ZNF93: variants seen among roughly 807,000 people sequenced by gnomAD.
The protein encoded by ZNF93 is zinc finger protein 505.
Under a neutral mutation model 45.0 loss-of-function variants are expected in ZNF93, and 29 were observed. The observed-to-expected ratio is 0.64, with a 90% CI of 0.48 to 0.88. ZNF93 has a LOEUF of 0.88. Ranked by LOEUF, ZNF93 falls within the 40% of genes least tolerant of loss-of-function variation. ZNF93 has a pLI of 0.00. For missense variants in ZNF93, 578 were observed against 724.0 expected, an observed-to-expected ratio of 0.80 and a Z score of 2.31; for synonymous variants, 223 against 244.6, an observed-to-expected ratio of 0.91 and a Z score of 0.82.
intron 2 of ZNF93, among the ~76,000 whole-genome samples, 168 bp downstream of exon 2, chr19:19,915,574 T>C (rs2063321369): frequency 6.6e-6 from 1 of 152,194 alleles, no homozygotes. Flanking sequence ...CTTCAGTGCC[T>C]CTTGCCTGTA....
chr19:19,907,274 C>T (rs970817947), intron 1 of ZNF93, among the ~76,000 whole-genome samples: 15 of 151,974 alleles, frequency 9.9e-5, no homozygotes, highest in African/African-American at 3.6e-4. Flanking sequence ...AGAAGCTTAG[C>T]ACAAAAATAG....
chr19:19,929,676 C>T (rs374965582), intron 3 of ZNF93, among the ~76,000 whole-genome samples: 6 of 152,172 alleles, frequency 3.9e-5, no homozygotes, highest in East Asian at 1.9e-4. Flanking sequence ...TGGTGGCTCA[C>T]GCCTGTAATC....
intron 3 of ZNF93, among the ~76,000 whole-genome samples, chr19:19,928,359 A>G (rs1339318733): frequency 6.6e-6 from 1 of 152,130 alleles, no homozygotes; most frequent in East Asian, 1.9e-4. Flanking sequence ...GGTTGTATTG[A>G]TATCTTTGAA....
At chr19:19,910,850 T>C (rs571089667) in intron 1 of ZNF93, among the ~76,000 whole-genome samples, 20 of 152,274 alleles carry the variant, frequency 1.3e-4, no homozygotes, top group African/African-American at 4.6e-4. Context: ...GGATTGAGAA[T>C]GTACAGAAAA....
Position 19,934,869 on chromosome 19 carries a change from A to G in ZNF93, c.*51A>G. 1 of 1,537,504 alleles carries G rather than the reference A, an allele frequency of 6.5e-7. No individual in the cohort carries two copies. The highest frequency in any genetic ancestry group is 8.8e-7 in the Non-Finnish European group (1 of 1,139,210). On this transcript the variant is annotated 3_prime_UTR_variant, in exon 4 of 4. Coordinates refer to ENST00000343769, the MANE Select transcript of ZNF93 (RefSeq NM_031218.4). ...TCAAGTGGTCCTCACACCTTACTATACACTGAGAGTTCTGAACTTACTCTG... is the reference window on the plus strand; with the variant it reads ...TCAAGTGGTCCTCACACCTTACTATGCACTGAGAGTTCTGAACTTACTCTG...
At chr19:19,921,395 G>A (rs916599005) in intron 3 of ZNF93, among the ~76,000 whole-genome samples, 2 of 152,192 alleles carry the variant, frequency 1.3e-5, no homozygotes, top group Non-Finnish European at 2.9e-5. Flanking sequence ...GTGCAGTGTG[G>A]TGCTGAGAAG....
At chr19:19,929,273 G>A (rs778709581) in intron 3 of ZNF93, among the ~76,000 whole-genome samples, 5 of 152,046 alleles carry the variant, frequency 3.3e-5, no homozygotes, top group African/African-American at 9.7e-5. Flanking sequence ...TATACACTCT[G>A]CCAAGCTGTG....
At chr19:19,910,476 A>G (rs1277578833) in intron 1 of ZNF93, among the ~76,000 whole-genome samples, 1 of 152,148 alleles carries the variant, frequency 6.6e-6, no homozygotes, top group Non-Finnish European at 1.5e-5. Context: ...AAAATTTCTG[A>G]CAATCAACTT....
chr19:19,908,369 A>G (rs1446864721), intron 1 of ZNF93: 1 of 152,170 alleles, frequency 6.6e-6, no homozygotes, highest in African/African-American at 2.4e-5. Context: ...AAACTTTATA[A>G]AATTTTTCTG....
chr19:19,929,853 G>A (rs1457542056), intron 3 of ZNF93, among the ~76,000 whole-genome samples: 2 of 149,168 alleles, frequency 1.3e-5, no homozygotes, highest in Non-Finnish European at 3.0e-5. Flanking sequence ...CAGGAGAATG[G>A]CGTGAACCCG....
chr19:19,926,627 A>G (rs1351069476), intron 3 of ZNF93, among the ~76,000 whole-genome samples: 2 of 151,866 alleles, frequency 1.3e-5, no homozygotes, highest in Non-Finnish European at 2.9e-5. Flanking sequence ...TGCTAAGATT[A>G]CAGGTGTGAG....
chr19:19,903,425 A>G (rs1474921016), intron 1 of ZNF93, among the ~76,000 whole-genome samples: 2 of 152,144 alleles, frequency 1.3e-5, no homozygotes, highest in Admixed American at 1.3e-4. Flanking sequence ...AAACCTAAGT[A>G]AAGTTTGATT....
chr19:19,911,970 T>G (rs1468900105), intron 1 of ZNF93, among the ~76,000 whole-genome samples: 1 of 152,052 alleles, frequency 6.6e-6, no homozygotes, highest in East Asian at 1.9e-4. Context: ...GGCTGGTCTT[T>G]AACTGCTTGA....
In ZNF93 at chr19:19,934,783, A is replaced by G; in HGVS notation, c.1828A>G (p.Arg610Gly). 1.2e-6 allele frequency: 2 copies of G among 1,601,418 alleles called. No individual in the cohort carries two copies. The highest frequency in any genetic ancestry group is 2.7e-5 in the African/African-American group (2 of 74,452). Residue 610 changes from arginine (R) to glycine (G), a missense_variant, in exon 4 of 4, where the codon AGA (arginine) becomes GGA (glycine). Coordinates refer to ENST00000343769, the MANE Select transcript of ZNF93 (RefSeq NM_031218.4). ...CTTTATTTCACCCTCAAGCCTTAGTAGACATGAGATAATTCATACTGGGGA... is the reference window on the plus strand; with the variant it reads ...CTTTATTTCACCCTCAAGCCTTAGTGGACATGAGATAATTCATACTGGGGA... The part of the protein sequence containing the change: ...KAFISPSSLS[R>G]HEIIHTGEKP
chr19:19,913,615 A>G (rs1383131186), intron 1 of ZNF93, among the ~76,000 whole-genome samples: 2 of 152,000 alleles, frequency 1.3e-5, no homozygotes, highest in Admixed American at 6.6e-5. Context: ...AGAAACTTAT[A>G]TTTTTATCTT....
At chr19:19,918,609 A>G (rs542741097) in intron 3 of ZNF93, among the ~76,000 whole-genome samples, 135 of 152,200 alleles carry the variant, frequency 8.9e-4, no homozygotes, top group African/African-American at 2.8e-3. Context: ...CCTCTCCAGC[A>G]CCTGTTGTTT....
chr19:19,914,586 A>G (rs554226774), intron 1 of ZNF93: 3 of 185,636 alleles, frequency 1.6e-5, no homozygotes, highest in Admixed American at 6.2e-5. Flanking sequence ...TTTTTTCACT[A>G]TAGTTAATTA....
intron 1 of ZNF93, chr19:19,909,440 G>A (rs2063301718): frequency 6.6e-6 from 1 of 152,268 alleles, no homozygotes; most frequent in Non-Finnish European, 1.5e-5. Flanking sequence ...TTATGAAGAT[G>A]TGAAAAGTTT....
chr19:19,927,508 C>T (rs1318865648), intron 3 of ZNF93, among the ~76,000 whole-genome samples: 1 of 152,146 alleles, frequency 6.6e-6, no homozygotes, highest in Non-Finnish European at 1.5e-5. Context: ...GAGAGACAAG[C>T]CTTCTACTTT....
Sources: allele counts gnomAD v4.1 joint callset (sites outside exome capture counted in the v4.1 genomes callset), GRCh38; gene constraint gnomAD v4.1.1; transcripts MANE v1.5; gene names NCBI Gene and HGNC (gene_info 2026-07-23, HGNC 2026-07-21).